The following BACH2 variants were observed in gnomAD, a reference collection of about 807,000 sequenced individuals.
BACH2 encodes the protein BACH transcriptional regulator 2.
In BACH2, 5 loss-of-function variants were observed where a neutral mutation model predicts 61.8. That is an observed-to-expected ratio of 0.08 (90% confidence interval 0.04 to 0.17). The LOEUF (loss-of-function observed/expected upper bound fraction) is 0.17, where lower values mean the gene tolerates loss of function less well. Among genes scored for constraint, BACH2 ranks in the 10% least tolerant of loss-of-function variants. The pLI is 1.00. For synonymous variants in BACH2, 446 were observed against 440.1 expected, an observed-to-expected ratio of 1.01 and a Z score of -0.17; for missense variants, 824 against 1,091.1, an observed-to-expected ratio of 0.76 and a Z score of 3.45.
At chr6:89,989,116 A>G (rs1193521084) in intron 6 of BACH2, among the ~76,000 whole-genome samples, 1 of 152,202 alleles carries the variant, frequency 6.6e-6, no homozygotes, top group Non-Finnish European at 1.5e-5. Context: ...CCAGTTCTCC[A>G]AGATGGAGCA....
At chr6:90,265,702 C>T (rs552846509) in intron 2 of BACH2, among the ~76,000 whole-genome samples, 1 of 152,308 alleles carries the variant, frequency 6.6e-6, no homozygotes, top group Non-Finnish European at 1.5e-5. Flanking sequence ...AGGTACCTTT[C>T]TATCTATAGT....
chr6:90,197,022 T>C (rs1379031338), intron 4 of BACH2, among the ~76,000 whole-genome samples: 4 of 152,208 alleles, frequency 2.6e-5, no homozygotes, highest in African/African-American at 4.8e-5. Context: ...AAATTGTAAA[T>C]AGGCATCTCT....
intron 4 of BACH2, among the ~76,000 whole-genome samples, chr6:90,121,183 C>T (rs1355443250): frequency 6.6e-6 from 1 of 152,170 alleles, no homozygotes; most frequent in Non-Finnish European, 1.5e-5. Flanking sequence ...AAGAAAAGGC[C>T]TCGAGCCCAC....
intron 1 of BACH2, among the ~76,000 whole-genome samples, chr6:90,296,255 C>A (rs547224044): frequency 3.6e-4 from 54 of 152,068 alleles, no homozygotes; most frequent in African/African-American, 1.2e-3. Context: ...ACACATTCGG[C>A]GCGGCGCGGC....
chr6:90,294,681 C>T (rs1178794555), intron 1 of BACH2, among the ~76,000 whole-genome samples: 2 of 152,288 alleles, frequency 1.3e-5, no homozygotes, highest in East Asian at 1.9e-4. Flanking sequence ...ACGCCGTTTA[C>T]TCGGGAGGTG....
chr6:90,053,161 A>C (rs536278762), intron 5 of BACH2, among the ~76,000 whole-genome samples: 2 of 152,340 alleles, frequency 1.3e-5, no homozygotes, highest in South Asian at 2.1e-4. Flanking sequence ...AGTTTTACAC[A>C]GTATTTTAAA....
At chr6:90,091,243 G>A (rs1195482209) in intron 4 of BACH2, among the ~76,000 whole-genome samples, 1 of 152,142 alleles carries the variant, frequency 6.6e-6, no homozygotes, top group East Asian at 1.9e-4. Flanking sequence ...TCTAAACGAA[G>A]CAGAGAAAGT....
chr6:89,963,584 A>T (rs1487422798), intron 6 of BACH2, among the ~76,000 whole-genome samples: 1 of 152,218 alleles, frequency 6.6e-6, no homozygotes. Flanking sequence ...GAGTCACTGC[A>T]TTTGGCCCTT....
chr6:90,251,734 G>A (rs1434370857), intron 3 of BACH2, among the ~76,000 whole-genome samples: 1 of 152,240 alleles, frequency 6.6e-6, no homozygotes, highest in Non-Finnish European at 1.5e-5. Flanking sequence ...ATACTTCACA[G>A]GATGGAAGTA....
At chr6:89,956,092 A>G (rs140553872) in intron 6 of BACH2, among the ~76,000 whole-genome samples, 345 of 152,348 alleles carry the variant, frequency 2.3e-3, no homozygotes, top group African/African-American at 8.0e-3. Flanking sequence ...GGTATGAGAA[A>G]CAAATGCAAA....
chr6:90,257,880 A>G (rs1329393559), intron 2 of BACH2, among the ~76,000 whole-genome samples: 1 of 152,070 alleles, frequency 6.6e-6, no homozygotes, highest in East Asian at 1.9e-4. Context: ...GGTTCAAGCG[A>G]TTCTCCTGCC....
rs115665331 is a variant in BACH2 at position 90,048,133 on chromosome 6, T to A, written c.-12-39277A>T. Reference sequence around the variant, plus strand: ...GGTCTAGGTCTTTCTATTTTTTTTTTATTTATATATTTAGAGACAGGTTCT... The same window carrying A: ...GGTCTAGGTCTTTCTATTTTTTTTTAATTTATATATTTAGAGACAGGTTCT... On this transcript the variant is annotated intron_variant, in intron 5 of 8. Transcript: ENST00000257749. 9.4e-3 allele frequency among the ~76,000 whole-genome samples: 1,423 copies of A among 152,142 alleles called. 15 individuals are homozygous for A. The highest frequency in any genetic ancestry group is 0.031 in the African/African-American group (1,278 of 41,450).
chr6:90,275,236 T>C (rs1771653552), intron 1 of BACH2, among the ~76,000 whole-genome samples: 1 of 152,242 alleles, frequency 6.6e-6, no homozygotes, highest in Non-Finnish European at 1.5e-5. Flanking sequence ...TTTGTTCTAC[T>C]TGAACAATTT....
chr6:90,223,226 C>CCA (rs1164876941), intron 3 of BACH2, among the ~76,000 whole-genome samples: 2 of 152,170 alleles, frequency 1.3e-5, no homozygotes, highest in African/African-American at 4.8e-5. Flanking sequence ...TGCTGAGTAC[C>CCA]CACCACATGT....
chr6:90,289,743 T>C (rs1200954732), intron 1 of BACH2, among the ~76,000 whole-genome samples: 2 of 152,218 alleles, frequency 1.3e-5, no homozygotes, highest in Non-Finnish European at 2.9e-5. Context: ...CTGCTGGCCA[T>C]GGGTTGGACA....
At chr6:89,965,342 C>T (rs1774995384) in intron 6 of BACH2, among the ~76,000 whole-genome samples, 1 of 152,220 alleles carries the variant, frequency 6.6e-6, no homozygotes, top group Non-Finnish European at 1.5e-5. Context: ...TGGCAATAAT[C>T]TCCAAGTCCA....
chr6:90,139,829 C>T (rs1784404921), intron 4 of BACH2, among the ~76,000 whole-genome samples: 1 of 152,134 alleles, frequency 6.6e-6, no homozygotes, highest in Non-Finnish European at 1.5e-5. Flanking sequence ...GGAAAGGGAA[C>T]AGGAAGATAA....
At chr6:90,082,475 T>C (rs1271662681) in intron 5 of BACH2, among the ~76,000 whole-genome samples, 1 of 152,186 alleles carries the variant, frequency 6.6e-6, no homozygotes, top group Non-Finnish European at 1.5e-5. Context: ...AGGAGATCAC[T>C]GTCCTATAAG....
At chr6:90,211,149 A>G (rs1769333487) in intron 3 of BACH2, among the ~76,000 whole-genome samples, 1 of 149,552 alleles carries the variant, frequency 6.7e-6, no homozygotes, top group Non-Finnish European at 1.5e-5. Context: ...AAAAAAAAAA[A>G]GGCAGAGACA....
Sources: allele counts gnomAD v4.1 joint callset (sites outside exome capture counted in the v4.1 genomes callset), GRCh38; gene constraint gnomAD v4.1.1; transcripts MANE v1.5; gene names NCBI Gene and HGNC (gene_info 2026-07-23, HGNC 2026-07-21).